Variants in CRACR2A observed in about 807,000 individuals in gnomAD.
CRACR2A encodes calcium release activated channel regulator 2A.
In CRACR2A, 79 loss-of-function variants were observed where a neutral mutation model predicts 90.5. That is an observed-to-expected ratio of 0.87 (90% CI 0.73 to 1.05). The LOEUF is 1.05. Ranked by LOEUF, CRACR2A falls within the 50% of genes least tolerant of loss-of-function variation. The pLI is 0.00. For synonymous variants in CRACR2A, 338 were observed against 356.7 expected (o/e 0.95, Z 0.59); for missense variants, 823 against 897.2 (o/e 0.92, Z 1.06).
intron 7 of CRACR2A, among the ~76,000 whole-genome samples, chr12:3,666,330 C>CGTGTGTGTGTGTGTGTGTGTGTGTGTGT (rs750488682): frequency 3.6e-5 from 5 of 139,580 alleles, no homozygotes; most frequent in African/African-American, 1.3e-4. Flanking sequence ...AGGACGGCTG[C>CGTGTGTGTGTGTGTGTGTGTGTGTGTGT]GTGTGTGTGT....
chr12:3,751,145 T>C (rs1946695899), intron 1 of CRACR2A, among the ~76,000 whole-genome samples: 1 of 152,216 alleles, frequency 6.6e-6, no homozygotes, highest in African/African-American at 2.4e-5. Context: ...TCTCTCAGTT[T>C]CCTCCTCTAC....
intron 2 of CRACR2A, chr12:3,731,830 A>T (rs1159023150): frequency 6.6e-6 from 1 of 152,242 alleles, no homozygotes; most frequent in Admixed American, 6.5e-5. Flanking sequence ...TGATAAAGGC[A>T]GGGATTGGAG....
chr12:3,640,488 A>C (rs1944544744), intron 13 of CRACR2A: 1 of 1,190,258 alleles, frequency 8.4e-7, no homozygotes, highest in African/African-American at 1.6e-5. Context: ...TCTGGTACAC[A>C]GTAGGTAATC....
intron 1 of CRACR2A, among the ~76,000 whole-genome samples, chr12:3,744,130 C>T (rs1946572801): frequency 6.6e-6 from 1 of 152,172 alleles, no homozygotes; most frequent in South Asian, 2.1e-4. Context: ...CCCTGCTAGC[C>T]AGAGAACGTG....
At chr12:3,708,415 A>ATTTT (rs966022001) in intron 3 of CRACR2A, among the ~76,000 whole-genome samples, 5 of 151,812 alleles carry the variant, frequency 3.3e-5, no homozygotes, top group African/African-American at 1.2e-4. Context: ...CCCTGGAAGC[A>ATTTT]TTTTCTTTTC....
At chr12:3,726,355 T>C (rs959784048) in intron 2 of CRACR2A, 8 of 152,172 alleles carry the variant, frequency 5.3e-5, no homozygotes, top group African/African-American at 1.4e-4. Flanking sequence ...TAAAATAATA[T>C]GTCTGTCAAT....
intron 19 of CRACR2A, 85 bp downstream of exon 19, chr12:3,616,869 T>C (rs1375258676): frequency 9.1e-7 from 1 of 1,093,090 alleles, no homozygotes; most frequent in African/African-American, 1.6e-5. Flanking sequence ...AGGTGTGGCC[T>C]GGGTGGAGGG....
rs1286777042 is a variant in CRACR2A at position 3,619,313 on chromosome 12, C to T, written c.1992G>A (p.Lys664=). The T allele has an allele frequency of 6.4e-7, 1 of 1,551,716 alleles. No individual in the cohort carries two copies. Among genetic ancestry groups the T allele is most frequent in the African/African-American group, 1.4e-5 (1 of 73,182 alleles). ...LLLGNKLDNE[K]EREVPRGLGE... ...CGAGGCCCCGGGGGACTTCCCGCTC[C>T]TTCTCGTTGTCAAGCTTATTACCCA... The change falls in exon 18 of 20, where the codon AAG becomes AAA. Residue 664 remains lysine (K), a synonymous_variant. Transcript: ENST00000440314.
At chr12:3,720,423 GAAAGAAAGAAAGA>G (rs1946148897) in intron 2 of CRACR2A, among the ~76,000 whole-genome samples, 1 of 78,258 alleles carries the variant, frequency 1.3e-5, no homozygotes, top group Non-Finnish European at 2.8e-5. Context: ...GAGGAAGAAA[GAAAGAAAGAAAGA>G]AAGAAAGAAA....
chr12:3,741,877 A>C (rs973927522), intron 1 of CRACR2A, among the ~76,000 whole-genome samples: 5 of 152,242 alleles, frequency 3.3e-5, no homozygotes, highest in African/African-American at 1.2e-4. Flanking sequence ...AGGCCCAATC[A>C]GCCTGGAGTT....
At chr12:3,710,069 G>C (rs928096526) in intron 3 of CRACR2A, among the ~76,000 whole-genome samples, 6 of 152,104 alleles carry the variant, frequency 3.9e-5, no homozygotes, top group Non-Finnish European at 7.4e-5. Context: ...AACACTGCTA[G>C]GAAGACCTGT....
At chr12:3,696,633 G>T in intron 4 of CRACR2A, 139 bp downstream of exon 4, 1 of 1,243,614 alleles carries the variant, frequency 8.0e-7, no homozygotes, top group Non-Finnish European at 1.1e-6. Flanking sequence ...AGTAGAGTTT[G>T]GGCAGATCCT....
chr12:3,743,413 C>T (rs780351165), intron 1 of CRACR2A, among the ~76,000 whole-genome samples: 15 of 152,302 alleles, frequency 9.8e-5, no homozygotes, highest in East Asian at 1.9e-4. Flanking sequence ...CCTGATACGG[C>T]GTCGGCGGCT....
intron 2 of CRACR2A, among the ~76,000 whole-genome samples, chr12:3,723,990 G>A (rs539143735): frequency 7.9e-5 from 12 of 152,234 alleles, no homozygotes; most frequent in African/African-American, 2.6e-4. Flanking sequence ...AATGGGTAAC[G>A]TCAAATCCCC....
At chr12:3,628,845 A>C (rs1944326815) in intron 15 of CRACR2A, among the ~76,000 whole-genome samples, 1 of 152,196 alleles carries the variant, frequency 6.6e-6, no homozygotes, top group South Asian at 2.1e-4. Context: ...ACAAAGAGGC[A>C]GTAAATGGAA....
chr12:3,638,054 G>T, intron 14 of CRACR2A, 70 bp downstream of exon 14: 1 of 1,428,032 alleles, frequency 7.0e-7, no homozygotes, highest in South Asian at 1.5e-5. Context: ...CTCTCCGGGC[G>T]CTTGGCCTCA....
chr12:3,674,233 G>A lies in CRACR2A; in HGVS notation c.525-641C>T, dbSNP rs186201234. Among the ~76,000 whole-genome samples the A allele has an allele frequency of 5.4e-3, 820 of 152,328 alleles. 6 individuals carry two copies. The highest frequency in any genetic ancestry group is 8.9e-3 in the Non-Finnish European group (607 of 68,032). ...TGCAGCACCCCACTGTGGCCTAGTGGCACTAGGGATGACTGACAGGCAAAA... is the reference window on the plus strand; with the variant it reads ...TGCAGCACCCCACTGTGGCCTAGTGACACTAGGGATGACTGACAGGCAAAA... On this transcript the variant is annotated intron_variant, in intron 6 of 19. Coordinates refer to ENST00000440314, the MANE Select transcript of CRACR2A (RefSeq NM_001144958.2).
intron 4 of CRACR2A, among the ~76,000 whole-genome samples, chr12:3,686,283 C>T (rs1162552268): frequency 6.6e-6 from 1 of 152,222 alleles, no homozygotes; most frequent in Admixed American, 6.5e-5. Context: ...GTCTTTGTCA[C>T]ATCTACTTCC....
chr12:3,625,608 T>C (rs940652787), intron 17 of CRACR2A, among the ~76,000 whole-genome samples: 1 of 146,496 alleles, frequency 6.8e-6, no homozygotes, highest in African/African-American at 2.6e-5. Flanking sequence ...TTGAATGAGA[T>C]GGCCATACTA....
Sources: allele counts gnomAD v4.1 joint callset (sites outside exome capture counted in the v4.1 genomes callset), GRCh38; gene constraint gnomAD v4.1.1; transcripts MANE v1.5; gene names NCBI Gene and HGNC (gene_info 2026-07-23, HGNC 2026-07-21).